RGS6: variants seen among roughly 807,000 people sequenced by gnomAD.
The protein encoded by RGS6 is regulator of G-protein signaling 6.
Under a neutral mutation model 78.5 loss-of-function variants are expected in RGS6, and 30 were observed. The ratio of observed to expected loss-of-function variants is 0.38; its 90% CI spans 0.29 to 0.52. RGS6 has a LOEUF of 0.52. RGS6 is among the 20% of genes least tolerant of loss of function. The probability of loss-of-function intolerance (pLI) is 0.85; values close to 1 mark genes in which losing one functional copy is unlikely to be tolerated. For synonymous variants in RGS6, 206 were observed against 206.0 expected, an observed-to-expected ratio of 1.00 and a Z score of 0.00; for missense variants, 495 against 609.7, an observed-to-expected ratio of 0.81 and a Z score of 1.98.
intron 2 of RGS6, among the ~76,000 whole-genome samples, chr14:72,115,325 C>T (rs1437413394): frequency 6.6e-6 from 1 of 152,120 alleles, no homozygotes; most frequent in Admixed American, 6.6e-5. Context: ...GGACCTGAGG[C>T]CAGCAGGGTA....
At chr14:72,235,779 A>G (rs2050859062) in intron 2 of RGS6, among the ~76,000 whole-genome samples, 1 of 152,248 alleles carries the variant, frequency 6.6e-6, no homozygotes, top group African/African-American at 2.4e-5. Flanking sequence ...TGTTTGGTGA[A>G]TAACCCACAG....
At chr14:72,502,531 C>T (rs2238172) in intron 13 of RGS6, among the ~76,000 whole-genome samples, 1,714 of 152,216 alleles carry the variant, frequency 0.011, 30 homozygotes, top group African/African-American at 0.035. Flanking sequence ...TTTGGGAGGC[C>T]GAGGCAAGCG....
At chr14:72,204,730 T>C (rs2042327223) in intron 2 of RGS6, among the ~76,000 whole-genome samples, 1 of 152,164 alleles carries the variant, frequency 6.6e-6, no homozygotes, top group Admixed American at 6.5e-5. Context: ...TCTGTTCCCA[T>C]GAGCTAATCA....
intron 2 of RGS6, among the ~76,000 whole-genome samples, chr14:71,986,231 G>A (rs753279060): frequency 8.6e-5 from 13 of 152,046 alleles, no homozygotes; most frequent in Non-Finnish European, 1.5e-4. Context: ...CAATAGTTTT[G>A]GAGTTTAGGG....
chr14:72,610,541 A>G, the RGS6 span, among the ~76,000 whole-genome samples: 6 of 152,236 alleles, frequency 3.9e-5, no homozygotes, highest in Non-Finnish European at 5.9e-5. Context: ...CTGTCAGAGA[A>G]ATTGAGCTTA....
chr14:72,300,888 C>A (rs1427353717), intron 2 of RGS6, among the ~76,000 whole-genome samples: 2 of 152,182 alleles, frequency 1.3e-5, no homozygotes, highest in Non-Finnish European at 2.9e-5. Flanking sequence ...GTCCTGTACA[C>A]TGAAAGAGAT....
chr14:72,581,934 T>C, the RGS6 span, among the ~76,000 whole-genome samples: 1 of 152,238 alleles, frequency 6.6e-6, no homozygotes, highest in African/African-American at 2.4e-5. Flanking sequence ...TTCAAGGGCA[T>C]AGCCCTGGCT....
At chr14:72,268,742 A>G (rs1389855793) in intron 2 of RGS6, among the ~76,000 whole-genome samples, 1 of 152,246 alleles carries the variant, frequency 6.6e-6, no homozygotes, top group Non-Finnish European at 1.5e-5. Flanking sequence ...GGAGACAGGT[A>G]GGCAGAACAG....
At chr14:72,036,539 A>T (rs926569331) in intron 2 of RGS6, among the ~76,000 whole-genome samples, 2 of 152,134 alleles carry the variant, frequency 1.3e-5, no homozygotes, top group African/African-American at 4.8e-5. Context: ...AGGGTATTTT[A>T]TCATGATTTT....
chr14:72,020,491 G>T (rs1244702979), intron 2 of RGS6, among the ~76,000 whole-genome samples: 1 of 152,174 alleles, frequency 6.6e-6, no homozygotes, highest in South Asian at 2.1e-4. Context: ...TTCATGGTGG[G>T]CACACCTTGT....
At chr14:72,002,622 C>A (rs1412198456) in intron 2 of RGS6, among the ~76,000 whole-genome samples, 2 of 151,516 alleles carry the variant, frequency 1.3e-5, no homozygotes, top group Admixed American at 6.6e-5. Flanking sequence ...AAAATGGGAA[C>A]CCCTGGGCTC....
chr14:72,420,619 C>T (rs2094123166), intron 3 of RGS6, among the ~76,000 whole-genome samples: 1 of 148,224 alleles, frequency 6.7e-6, no homozygotes, highest in African/African-American at 2.5e-5. Flanking sequence ...TTGCAATTAA[C>T]ATATTAATAT....
chr14:72,528,011 T>G (rs1483115327), intron 15 of RGS6, among the ~76,000 whole-genome samples: 1 of 152,140 alleles, frequency 6.6e-6, no homozygotes, highest in East Asian at 1.9e-4. Flanking sequence ...GTTCTGAAGC[T>G]GGGAAATGAG....
chr14:72,367,242 T>C (rs116454408), intron 3 of RGS6, among the ~76,000 whole-genome samples: 3,178 of 152,298 alleles, frequency 0.021, 106 homozygotes, highest in African/African-American at 0.073. Context: ...TGTAACTTGT[T>C]AAAAATAGAT....
At chr14:72,224,490 G>C (rs1337935602) in intron 2 of RGS6, among the ~76,000 whole-genome samples, 1 of 151,796 alleles carries the variant, frequency 6.6e-6, no homozygotes, top group Non-Finnish European at 1.5e-5. Flanking sequence ...GAGGCTTTCA[G>C]GTTTTTTCTT....
intron 3 of RGS6, among the ~76,000 whole-genome samples, chr14:72,397,755 C>A (rs1457547211): frequency 2.0e-5 from 3 of 152,302 alleles, no homozygotes; most frequent in Admixed American, 6.5e-5. Flanking sequence ...AGTTTTTTAG[C>A]ATGAAGCGTT....
chr14:72,093,085 C>G (rs1174892888), intron 2 of RGS6, among the ~76,000 whole-genome samples: 1 of 151,938 alleles, frequency 6.6e-6, no homozygotes, highest in Non-Finnish European at 1.5e-5. Flanking sequence ...ATATAACCAG[C>G]ATTCAGCCCT....
the RGS6 span, among the ~76,000 whole-genome samples, chr14:71,913,645 A>T: frequency 6.6e-6 from 1 of 152,192 alleles, no homozygotes; most frequent in Non-Finnish European, 1.5e-5. Flanking sequence ...GAGACTTACG[A>T]AGGAAGTGAG....
chr14:72,415,530 C>T (rs912569071), intron 3 of RGS6, among the ~76,000 whole-genome samples: 8 of 152,256 alleles, frequency 5.3e-5, no homozygotes, highest in Admixed American at 1.3e-4. Flanking sequence ...ACGCACGGTG[C>T]GCTGCACCCA....
Sources: gnomAD v4.1 joint callset for allele counts (sites outside exome capture counted in the v4.1 genomes callset) on GRCh38, gnomAD v4.1.1 for gene constraint, MANE v1.5 for transcripts, NCBI Gene and HGNC (gene_info 2026-07-23, HGNC 2026-07-21) for gene names.